ST18: variants seen among roughly 807,000 people sequenced by gnomAD.
The protein encoded by ST18 is ST18 C2H2C-type zinc finger transcription factor, also known as suppression of tumorigenicity 18 protein.
A neutral mutation model predicts 110.0 loss-of-function variants in ST18; 50 were observed. The observed-to-expected ratio is 0.45, with a 90% CI of 0.36 to 0.58. The LOEUF is 0.58. ST18 is among the 20% of genes least tolerant of loss of function. ST18 has a pLI of 0.00. For missense variants in ST18, 1,306 were observed against 1,280.1 expected, an observed-to-expected ratio of 1.02 and a Z score of -0.31; for synonymous variants, 461 against 452.4, an observed-to-expected ratio of 1.02 and a Z score of -0.24.
chr8:52,308,291 C>A (rs1443337986), intron 2 of ST18, among the ~76,000 whole-genome samples: 3 of 152,192 alleles, frequency 2.0e-5, no homozygotes, highest in Non-Finnish European at 1.5e-5. Context: ...TTTTTTAAAT[C>A]CAAAGCAAAG....
intron 2 of ST18, among the ~76,000 whole-genome samples, chr8:52,288,239 G>A (rs1259389114): frequency 3.3e-5 from 5 of 152,172 alleles, no homozygotes; most frequent in African/African-American, 2.4e-5. Context: ...GTGATGTGCT[G>A]GGTGGGAATG....
At chr8:52,242,259 T>C (rs752268558) in intron 2 of ST18, among the ~76,000 whole-genome samples, 1 of 152,208 alleles carries the variant, frequency 6.6e-6, no homozygotes, top group Non-Finnish European at 1.5e-5. Flanking sequence ...TCTTTTCAAA[T>C]ATATTTTAAA....
At chr8:52,284,790 G>C (rs2095441265) in intron 2 of ST18, among the ~76,000 whole-genome samples, 1 of 152,164 alleles carries the variant, frequency 6.6e-6, no homozygotes. Context: ...GGGGACTGGA[G>C]TGAAGGAGAA....
intron 8 of ST18, chr8:52,201,229 C>T (rs529029590): frequency 1.3e-5 from 2 of 152,414 alleles, no homozygotes; most frequent in Admixed American, 6.5e-5. Flanking sequence ...CCTTCAAGAA[C>T]GCAGAGCTTG....
chr8:52,254,252 T>C (rs1199996846), intron 2 of ST18: 1 of 152,190 alleles, frequency 6.6e-6, no homozygotes, highest in Admixed American at 6.5e-5. Flanking sequence ...AAACTTACTT[T>C]TTTGTTTGTT....
chr8:52,386,019 C>T (rs534213923), intron 2 of ST18, among the ~76,000 whole-genome samples: 4 of 152,270 alleles, frequency 2.6e-5, no homozygotes, highest in African/African-American at 9.6e-5. Flanking sequence ...CATTCCATGC[C>T]TGGGACTTGA....
chr8:52,329,927 T>C (rs1488487922), intron 2 of ST18, among the ~76,000 whole-genome samples: 1 of 152,124 alleles, frequency 6.6e-6, no homozygotes, highest in East Asian at 1.9e-4. Flanking sequence ...TAGCTAATAG[T>C]GGGTTGGCTA....
intron 19 of ST18, among the ~76,000 whole-genome samples, chr8:52,134,220 G>T (rs1315558056): frequency 6.6e-6 from 1 of 152,068 alleles, no homozygotes; most frequent in Non-Finnish European, 1.5e-5. Context: ...AACAGTCTTT[G>T]GGGGAAAATC....
At chr8:52,309,683 A>G (rs908997725) in intron 2 of ST18, among the ~76,000 whole-genome samples, 1 of 152,084 alleles carries the variant, frequency 6.6e-6, no homozygotes, top group Admixed American at 6.6e-5. Context: ...AAAATATAAA[A>G]TAAGTAGGAA....
intron 17 of ST18, among the ~76,000 whole-genome samples, chr8:52,139,541 A>G (rs2054016928): frequency 6.6e-6 from 1 of 151,952 alleles, no homozygotes; most frequent in South Asian, 2.1e-4. Flanking sequence ...TTTTTAGTAG[A>G]GACGGGGTTT....
chr8:52,245,196 T>C (rs1384604270), intron 2 of ST18, among the ~76,000 whole-genome samples: 1 of 152,180 alleles, frequency 6.6e-6, no homozygotes, highest in African/African-American at 2.4e-5. Flanking sequence ...GAGCAAACAG[T>C]GGACACATCT....
At chr8:52,378,065 A>G (rs895622204) in intron 2 of ST18, among the ~76,000 whole-genome samples, 3 of 152,188 alleles carry the variant, frequency 2.0e-5, no homozygotes, top group African/African-American at 7.2e-5. Flanking sequence ...TTTGTTTGGG[A>G]ACTCATGGAG....
chr8:52,223,505 G>C (rs2087812958), intron 3 of ST18, among the ~76,000 whole-genome samples: 1 of 152,096 alleles, frequency 6.6e-6, no homozygotes, highest in Non-Finnish European at 1.5e-5. Context: ...TTAGCCAAGT[G>C]TGGTGGTATG....
intron 2 of ST18, among the ~76,000 whole-genome samples, chr8:52,325,096 A>G (rs562279839): frequency 6.6e-6 from 1 of 152,334 alleles, no homozygotes; most frequent in African/African-American, 2.4e-5. Flanking sequence ...AAATTAACCA[A>G]TTTGCAATGT....
At chr8:52,325,974 G>A (rs926317567) in intron 2 of ST18, among the ~76,000 whole-genome samples, 5 of 152,200 alleles carry the variant, frequency 3.3e-5, no homozygotes, top group African/African-American at 1.2e-4. Context: ...CTGCTTCTGA[G>A]ATGCTGTAGA....
chr8:52,146,474 CT>C (rs541704193), intron 16 of ST18, among the ~76,000 whole-genome samples: 14 of 151,188 alleles, frequency 9.3e-5, no homozygotes, highest in African/African-American at 2.7e-4. Context: ...ACCTTCTTCT[CT>C]TTTTTTTCTT....
chr8:52,166,930 T>G lies in ST18; in HGVS notation c.1126A>C (p.Thr376Pro). Residue 376 changes from threonine (T) to proline (P), a missense_variant, in exon 11 of 26, where the codon ACG (threonine) becomes CCG (proline). Transcript: ENST00000689386. Reference sequence around the variant, plus strand: ...GGGTAGAGCCCTGTCACGTGTCCCGTGCCATCACATCCAGGGATCGGGCAC... The same window carrying G: ...GGGTAGAGCCCTGTCACGTGTCCCGGGCCATCACATCCAGGGATCGGGCAC... ...TKCPIPGCDG[T>P]GHVTGLYPHH... The G allele has an allele frequency of 6.2e-7, 1 of 1,612,700 alleles. No homozygotes were observed. Among genetic ancestry groups the G allele is most frequent in the Non-Finnish European group, 8.5e-7 (1 of 1,178,926 alleles).
intron 16 of ST18, among the ~76,000 whole-genome samples, chr8:52,143,503 G>GAAAAT (rs1275797712): frequency 1.2e-4 from 18 of 151,956 alleles, no homozygotes; most frequent in African/African-American, 4.4e-4. Context: ...GAAAAGAAAA[G>GAAAAT]AAATAAATGA....
chr8:52,298,237 G>C (rs1053394862), intron 2 of ST18, among the ~76,000 whole-genome samples: 2 of 152,210 alleles, frequency 1.3e-5, no homozygotes, highest in Admixed American at 1.3e-4. Flanking sequence ...ATTAATGCCA[G>C]AAAGGCTGAG....
Sources: gnomAD v4.1 joint callset for allele counts (sites outside exome capture counted in the v4.1 genomes callset) on GRCh38, gnomAD v4.1.1 for gene constraint, MANE v1.5 for transcripts, NCBI Gene and HGNC (gene_info 2026-07-23, HGNC 2026-07-21) for gene names.